Variants in KCNMA1 observed in about 807,000 individuals in gnomAD.
KCNMA1 encodes Calcium-activated potassium channel subunit alpha-1.
In KCNMA1, 29 loss-of-function variants were observed where a neutral mutation model predicts 140.0. The observed-to-expected ratio is 0.21, with a 90% CI of 0.15 to 0.28. The LOEUF is 0.28. KCNMA1 is among the 10% of genes least tolerant of loss of function. KCNMA1 has a pLI of 1.00. For synonymous variants in KCNMA1, 612 were observed against 611.9 expected (o/e 1.00, Z 0.00); for missense variants, 880 against 1,602.2 (o/e 0.55, Z 7.70).
intron 1 of KCNMA1, among the ~76,000 whole-genome samples, chr10:77,404,402 C>T (rs2096394910): frequency 2.0e-5 from 3 of 152,070 alleles, no homozygotes; most frequent in Admixed American, 2.0e-4. Flanking sequence ...CCTCAGCCTC[C>T]CTAGTAGCTA....
intron 15 of KCNMA1, among the ~76,000 whole-genome samples, chr10:77,033,280 G>A (rs963682668): frequency 2.6e-5 from 4 of 152,064 alleles, no homozygotes; most frequent in Non-Finnish European, 4.4e-5. Context: ...TGAAACATCC[G>A]GATTTCCAAG....
intron 20 of KCNMA1, among the ~76,000 whole-genome samples, chr10:76,969,269 A>T: frequency 2.6e-5 from 1 of 37,804 alleles, no homozygotes. Context: ...GAAGGGAGGG[A>T]GGGAGGGGGA....
chr10:77,195,816 G>A (rs957073602), intron 3 of KCNMA1, among the ~76,000 whole-genome samples: 1 of 152,084 alleles, frequency 6.6e-6, no homozygotes, highest in African/African-American at 2.4e-5. Context: ...GGGAGTGGTG[G>A]TGAACACCTG....
chr10:77,262,932 G>C (rs995107196), intron 2 of KCNMA1, among the ~76,000 whole-genome samples: 1 of 152,182 alleles, frequency 6.6e-6, no homozygotes, highest in Non-Finnish European at 1.5e-5. Context: ...TGCACAATGT[G>C]AATGTACTAA....
At chr10:77,284,944 C>A (rs898489720) in intron 2 of KCNMA1, among the ~76,000 whole-genome samples, 1 of 152,168 alleles carries the variant, frequency 6.6e-6, no homozygotes, top group South Asian at 2.1e-4. Context: ...TCATTTCTCA[C>A]AATATTATAA....
intron 5 of KCNMA1, among the ~76,000 whole-genome samples, chr10:77,123,911 G>A (rs1251868663): frequency 2.6e-5 from 4 of 152,180 alleles, no homozygotes; most frequent in African/African-American, 9.7e-5. Flanking sequence ...GAGACTAATG[G>A]CCAGGGAGTG....
intron 1 of KCNMA1, among the ~76,000 whole-genome samples, chr10:77,577,191 C>T (rs973980870): frequency 9.9e-5 from 15 of 151,766 alleles, no homozygotes; most frequent in Non-Finnish European, 1.6e-4. Flanking sequence ...GGATTACAGG[C>T]GCCCACCACC....
chr10:77,609,124 G>A (rs981940143), intron 1 of KCNMA1, among the ~76,000 whole-genome samples: 3 of 152,178 alleles, frequency 2.0e-5, no homozygotes, highest in African/African-American at 2.4e-5. Context: ...AAATCAGTAC[G>A]TCAAAGAGAT....
At chr10:76,977,578 T>G in intron 19 of KCNMA1, 1 of 702,918 alleles carries the variant, frequency 1.4e-6, no homozygotes, top group Admixed American at 2.0e-5. Context: ...CCTGCAGTAG[T>G]TTAATCTTCT....
intron 16 of KCNMA1, chr10:77,021,186 T>C (rs1050379674): frequency 1.1e-4 from 17 of 152,270 alleles, no homozygotes; most frequent in African/African-American, 3.9e-4. Context: ...TATAAGGACA[T>C]ACACAAAAAA....
intron 1 of KCNMA1, among the ~76,000 whole-genome samples, chr10:77,588,925 A>T (rs903232347): frequency 7.2e-5 from 11 of 152,242 alleles, no homozygotes; most frequent in Admixed American, 6.5e-4. Context: ...CTCACCTCCC[A>T]GGGGAGGAGC....
intron 9 of KCNMA1, among the ~76,000 whole-genome samples, chr10:77,093,975 A>G (rs986632783): frequency 6.6e-6 from 1 of 152,146 alleles, no homozygotes; most frequent in African/African-American, 2.4e-5. Context: ...CCAATTTTGC[A>G]TTTTACAATT....
chr10:77,294,542 A>G (rs1435326954), intron 2 of KCNMA1, among the ~76,000 whole-genome samples: 1 of 152,226 alleles, frequency 6.6e-6, no homozygotes, highest in African/African-American at 2.4e-5. Flanking sequence ...TACCCCATAG[A>G]TACACTGGCA....
chr10:77,582,019 T>C (rs1254890727), intron 1 of KCNMA1, among the ~76,000 whole-genome samples: 1 of 152,244 alleles, frequency 6.6e-6, no homozygotes, highest in Non-Finnish European at 1.5e-5. Flanking sequence ...CCAGGAGACA[T>C]ACCCTCAGGG....
intron 16 of KCNMA1, chr10:77,022,844 T>C (rs1016521319): frequency 2.7e-6 from 1 of 370,102 alleles, no homozygotes; most frequent in Non-Finnish European, 5.6e-6. Context: ...ACCACACCTC[T>C]GCTAGGGCTA....
intron 20 of KCNMA1, among the ~76,000 whole-genome samples, chr10:76,958,161 A>T (rs529093188): frequency 6.6e-6 from 1 of 152,312 alleles, no homozygotes; most frequent in South Asian, 2.1e-4. Context: ...GGAAAGGAGG[A>T]TCATGAGAAA....
intron 2 of KCNMA1, among the ~76,000 whole-genome samples, chr10:77,397,962 C>G (rs961794669): frequency 6.6e-6 from 1 of 151,486 alleles, no homozygotes; most frequent in African/African-American, 2.4e-5. Context: ...TTTTTTATGG[C>G]TGAATAGTAT....
intron 1 of KCNMA1, among the ~76,000 whole-genome samples, chr10:77,524,976 C>T (rs779144572): frequency 4.6e-5 from 7 of 152,210 alleles, no homozygotes; most frequent in Non-Finnish European, 8.8e-5. Context: ...GCTGTCACTG[C>T]CTGACCCCCT....
chr10:77,330,696 T>A (rs2086056902), intron 2 of KCNMA1, among the ~76,000 whole-genome samples: 1 of 152,102 alleles, frequency 6.6e-6, no homozygotes, highest in African/African-American at 2.4e-5. Context: ...CAGCTATCAG[T>A]GAATGGCAAA....
Sources: gnomAD v4.1 joint callset for allele counts (sites outside exome capture counted in the v4.1 genomes callset) on GRCh38, gnomAD v4.1.1 for gene constraint, MANE v1.5 for transcripts, NCBI Gene and HGNC (gene_info 2026-07-23, HGNC 2026-07-21) for gene names.